Variants in CHIC2 observed in about 807,000 individuals in gnomAD.
The protein encoded by CHIC2 is cysteine rich hydrophobic domain 2.
A neutral mutation model predicts 25.9 loss-of-function variants in CHIC2; 14 were observed. That is an observed-to-expected ratio of 0.54 (90% CI 0.36 to 0.85). The LOEUF (loss-of-function observed/expected upper bound fraction) is 0.85. Ranked by LOEUF, CHIC2 falls within the 40% of genes least tolerant of loss-of-function variation. The pLI is 0.01. For missense variants in CHIC2, 146 were observed against 202.0 expected (o/e 0.72, Z 1.68); for synonymous variants, 70 against 72.0 (o/e 0.97, Z 0.14).
At chr4:54,045,148 C>T (rs1435700737) in intron 3 of CHIC2, among the ~76,000 whole-genome samples, 1 of 152,094 alleles carries the variant, frequency 6.6e-6, no homozygotes, top group Non-Finnish European at 1.5e-5. Context: ...GAAATTGAGG[C>T]AATAATTAGT....
At chr4:54,036,877 A>G (rs2110075622) in intron 3 of CHIC2, among the ~76,000 whole-genome samples, 1 of 152,176 alleles carries the variant, frequency 6.6e-6, no homozygotes, top group East Asian at 1.9e-4. Flanking sequence ...AAAAAAAAAA[A>G]AAGTGTATGT....
chr4:54,044,322 C>T (rs1049538788), intron 3 of CHIC2, among the ~76,000 whole-genome samples: 4 of 152,244 alleles, frequency 2.6e-5, no homozygotes, highest in Non-Finnish European at 5.9e-5. Context: ...CTACAGAACT[C>T]TCCACCCCAA....
At chr4:54,055,009 G>A (rs1184272301) in intron 1 of CHIC2, among the ~76,000 whole-genome samples, 1 of 152,018 alleles carries the variant, frequency 6.6e-6, no homozygotes, top group Non-Finnish European at 1.5e-5. Flanking sequence ...ACCTTTGAGG[G>A]GCCTGATACA....
the CHIC2 span, among the ~76,000 whole-genome samples, chr4:54,080,216 T>C: frequency 4.7e-5 from 7 of 149,252 alleles, no homozygotes; most frequent in Admixed American, 2.0e-4. Flanking sequence ...ATATATATAT[T>C]CAGCCATTAA....
chr4:54,064,220 C>T lies in CHIC2; in HGVS notation c.81G>A (p.Pro27=). 2.5e-6 allele frequency: 4 copies of T among 1,607,586 alleles called. 1 individual carries two copies. The highest frequency in any genetic ancestry group is 3.4e-5 in the Admixed American group (2 of 59,214). ...ALEEQLLKYS[P]DPVVVRGSGH... ...CGGAGCCGCGGACGACCACCGGGTC[C>T]GGCGAGTACTTGAGCAGCTGCTCCT... The change falls in exon 1 of 6, where the codon CCG becomes CCA. Residue 27 remains proline (P), a synonymous_variant. Transcript: ENST00000263921. The surrounding 1 kb of genome is among the most constrained non-coding windows in gnomAD (Gnocchi z 4.2).
intron 3 of CHIC2, among the ~76,000 whole-genome samples, chr4:54,042,387 G>C (rs1250951080): frequency 2.6e-5 from 4 of 152,024 alleles, no homozygotes; most frequent in Non-Finnish European, 5.9e-5. Flanking sequence ...TTTAATGAAG[G>C]CATTTCAAAA....
chr4:54,020,796 C>G (rs552432402), intron 3 of CHIC2, among the ~76,000 whole-genome samples: 1 of 152,194 alleles, frequency 6.6e-6, no homozygotes, highest in Non-Finnish European at 1.5e-5. Context: ...GCGCCAGTCA[C>G]AGACTCGGGA....
At chr4:54,022,925 A>G (rs1427542541) in intron 3 of CHIC2, among the ~76,000 whole-genome samples, 2 of 152,138 alleles carry the variant, frequency 1.3e-5, no homozygotes, top group South Asian at 4.1e-4. Flanking sequence ...GACAAGTCTT[A>G]TAGGTTAGTT....
chr4:54,062,880 C>T (rs750950010), intron 1 of CHIC2, among the ~76,000 whole-genome samples: 54 of 152,168 alleles, frequency 3.5e-4, no homozygotes, highest in Non-Finnish European at 1.3e-4. Flanking sequence ...TTTGGTTATA[C>T]TTCTTAAGCT....
Position 54,045,752 on chromosome 4 carries a change from C to T in CHIC2, c.330+3203G>A, listed in dbSNP as rs562050398. Among the ~76,000 whole-genome samples, 443 of 152,106 alleles carry T rather than the reference C, an allele frequency of 2.9e-3. 2 individuals are homozygous for T. Among genetic ancestry groups the T allele is most frequent in the African/African-American group, 0.01 (417 of 41,494 alleles). On this transcript the variant is annotated intron_variant, in intron 3 of 5. Transcript: ENST00000263921. ...TGAAAACTGGCACAAGACAGGGATG[C>T]CCTCTCTCACCACTCATATTCAACA...
At chr4:54,034,582 CATTTT>C (rs1344546524) in intron 3 of CHIC2, among the ~76,000 whole-genome samples, 1 of 151,784 alleles carries the variant, frequency 6.6e-6, no homozygotes, top group Admixed American at 6.6e-5. Context: ...AATTGTTTTT[CATTTT>C]AATTTTTTAT....
At chr4:54,024,863 G>C (rs559935845) in intron 3 of CHIC2, among the ~76,000 whole-genome samples, 9 of 151,948 alleles carry the variant, frequency 5.9e-5, no homozygotes, top group Non-Finnish European at 1.0e-4. Context: ...ACTGTATCCA[G>C]GCCATCACCA....
chr4:54,054,166 T>C (rs1020919763), intron 1 of CHIC2, among the ~76,000 whole-genome samples: 2 of 152,250 alleles, frequency 1.3e-5, no homozygotes, highest in Admixed American at 6.5e-5. Flanking sequence ...TAACTAGGTA[T>C]TTTAAGATAA....
chr4:54,024,065 C>T lies in CHIC2; in HGVS notation c.331-9946G>A, dbSNP rs148058257. 3.0e-3 allele frequency among the ~76,000 whole-genome samples: 451 copies of T among 152,300 alleles called. 3 individuals are homozygous for T. The highest frequency in any genetic ancestry group is 0.01 in the African/African-American group (426 of 41,564). ...GCAGCTAGCGTTCCAACTTCTGCCC[C>T]TCATGGCCAGTTTTTCTCCTTCTCG... On this transcript the variant is annotated intron_variant, in intron 3 of 5. Coordinates refer to ENST00000263921, the MANE Select transcript of CHIC2 (RefSeq NM_012110.4).
At chr4:54,043,484 G>A (rs1221613716) in intron 3 of CHIC2, among the ~76,000 whole-genome samples, 17 of 150,374 alleles carry the variant, frequency 1.1e-4, no homozygotes, top group Non-Finnish European at 1.9e-4. Flanking sequence ...CCAGAAGAGA[G>A]TGGGGGCCAA....
chr4:54,028,269 C>CCT (rs1276229507), intron 3 of CHIC2, among the ~76,000 whole-genome samples: 1 of 152,020 alleles, frequency 6.6e-6, no homozygotes, highest in Non-Finnish European at 1.5e-5. Context: ...AGCTCTAAAA[C>CCT]CTCTCTCTCT....
the CHIC2 span, chr4:54,086,872 C>G: frequency 1.7e-6 from 1 of 572,580 alleles, no homozygotes; most frequent in South Asian, 1.8e-5. Flanking sequence ...TTTGGGAAAT[C>G]CCTAGGAGTT....
At chr4:54,065,755 T>C (rs904614346), upstream of CHIC2, among the ~76,000 whole-genome samples, 5 of 152,144 alleles carry the variant, frequency 3.3e-5, no homozygotes, top group African/African-American at 1.2e-4. Flanking sequence ...TCAAGTGCAG[T>C]GTTCATGTCA....
At chr4:54,013,256 A>AT (rs1276498484) in intron 5 of CHIC2, among the ~76,000 whole-genome samples, 1 of 152,160 alleles carries the variant, frequency 6.6e-6, no homozygotes, top group Non-Finnish European at 1.5e-5. Context: ...TCTAAAATTC[A>AT]TTGTATATAT....
Sources: allele counts gnomAD v4.1 joint callset (sites outside exome capture counted in the v4.1 genomes callset), GRCh38; gene constraint gnomAD v4.1.1; non-coding constraint Gnocchi (gnomAD v3.1); transcripts MANE v1.5; gene names NCBI Gene and HGNC (gene_info 2026-07-23, HGNC 2026-07-21).